VPS13D: variants seen among roughly 807,000 people sequenced by gnomAD.
VPS13D encodes intermembrane lipid transfer protein VPS13D.
VPS13D carries 187 observed loss-of-function variants against 461.9 expected under a neutral mutation model. That is an observed-to-expected ratio of 0.40 (90% confidence interval 0.36 to 0.46). The LOEUF is 0.46. Among genes scored for constraint, VPS13D ranks in the 20% least tolerant of loss-of-function variants. VPS13D has a pLI of 0.60. For missense variants in VPS13D, 4,711 were observed against 5,364.9 expected (o/e 0.88, Z 3.81); for synonymous variants, 1,951 against 1,986.3 (o/e 0.98, Z 0.47).
rs1326224116 is a variant in VPS13D, at chr1:12,499,292, C to T, written c.12794+1661C>T. The T allele has an allele frequency of 1.5e-5, 3 of 204,552 alleles. No homozygotes were observed. In the Admixed American group the frequency reaches 2.0e-4, roughly 13 times the overall value. The allele number at this position is 204,552 out of a possible 1,614,324, so 12.7% of individuals were successfully genotyped here. On this transcript the variant is annotated intron_variant, in intron 68 of 69. Transcript: ENST00000620676. ...CCTGGCATCTAATAGGTACCCAGTACATATAGCCAGATAGCTGCAGTTCAG... is the reference window on the plus strand; with the variant it reads ...CCTGGCATCTAATAGGTACCCAGTATATATAGCCAGATAGCTGCAGTTCAG...
At chr1:12,415,335 A>G in intron 64 of VPS13D, 114 bp downstream of exon 64, 1 of 1,386,396 alleles carries the variant, frequency 7.2e-7, no homozygotes, top group Non-Finnish European at 1.0e-6. Flanking sequence ...AAACATTTCA[A>G]CTCTGTTGTG....
chr1:12,336,354 A>C (rs1245329158), intron 39 of VPS13D: 1 of 152,798 alleles, frequency 6.5e-6, no homozygotes, highest in Non-Finnish European at 1.5e-5. Flanking sequence ...CTCTTGAAGA[A>C]AGAGGAGTCA....
intron 67 of VPS13D, among the ~76,000 whole-genome samples, chr1:12,494,420 A>G (rs1645928479): frequency 6.6e-6 from 1 of 152,214 alleles, no homozygotes; most frequent in Non-Finnish European, 1.5e-5. Context: ...GAGTCAGGAA[A>G]TAACTGTTTA....
rs879209635 is a variant in VPS13D at position 12,511,573 on chromosome 1, C to T, written c.*2549C>T. ...TTCTTTCTGCTTCAAACACACAGTT[C>T]GTCTCTGAGGAAAGTAAAATAAATG... On this transcript the variant is annotated 3_prime_UTR_variant, in exon 70 of 70. Coordinates refer to ENST00000620676, the MANE Select transcript of VPS13D (RefSeq NM_015378.4). This position sits in a 1 kb window ranked among gnomAD's most constrained non-coding sequence, Gnocchi z 4.5. 1.3e-5 allele frequency: 2 copies of T among 152,208 alleles called. No individual in the cohort carries two copies. Among genetic ancestry groups the T allele is most frequent in the Non-Finnish European group, 2.9e-5 (2 of 68,046 alleles). The allele number at this position is 152,208 out of a possible 1,614,324, so 9.4% of individuals were successfully genotyped here. A position where few individuals can be genotyped will look rare whatever the true frequency, so the allele number is the denominator to read the frequency against.
intron 67 of VPS13D, among the ~76,000 whole-genome samples, chr1:12,461,861 T>G (rs780040608): frequency 1.3e-4 from 20 of 152,210 alleles, no homozygotes; most frequent in Admixed American, 3.9e-4. Flanking sequence ...TTATACATTG[T>G]CAGCTTGCAA....
intron 55 of VPS13D, among the ~76,000 whole-genome samples, chr1:12,374,929 G>T (rs1288695994): frequency 6.6e-6 from 1 of 152,142 alleles, no homozygotes; most frequent in Admixed American, 6.5e-5. Context: ...GTAGAGACGG[G>T]GTTTCGCCAT....
intron 37 of VPS13D, 84 bp downstream of exon 37, chr1:12,330,002 TGAA>T: frequency 1.1e-6 from 1 of 945,034 alleles, no homozygotes; most frequent in Non-Finnish European, 1.6e-6. Context: ...AAATTTTACA[TGAA>T]GGAAAGGGCA....
intron 15 of VPS13D, among the ~76,000 whole-genome samples, chr1:12,268,489 A>C (rs1016042689): frequency 6.6e-6 from 1 of 151,840 alleles, no homozygotes; most frequent in African/African-American, 2.4e-5. Context: ...GGTTTCCATG[A>C]TATGGGAGCT....
rs779949169 is a variant in VPS13D, at chr1:12,358,613, T to C, written c.10141+12T>C. 5.0e-6 allele frequency: 8 copies of C among 1,613,470 alleles called. No homozygotes were observed. The highest frequency in any genetic ancestry group is 2.2e-5 in the South Asian group (2 of 90,986). ...GATCTATAACATTGGTGGGTTACAT[T>C]TGGGGCAGCGGGACAATCAGAACCA... On this transcript the variant is annotated intron_variant, in intron 50 of 69. Coordinates refer to ENST00000620676, the MANE Select transcript of VPS13D (RefSeq NM_015378.4).
At chr1:12,354,274 A>G in intron 47 of VPS13D, 53 bp downstream of exon 47, 1 of 1,590,942 alleles carries the variant, frequency 6.3e-7, no homozygotes, top group Non-Finnish European at 8.6e-7. Context: ...AATATCAATG[A>G]GTATTTTGTG....
chr1:12,484,843 T>C lies in VPS13D; in HGVS notation c.12663-12657T>C, dbSNP rs1386230231. Among the ~76,000 whole-genome samples the C allele has an allele frequency of 5.3e-5, 8 of 152,278 alleles. No homozygotes were observed. In the East Asian group the frequency reaches 1.2e-3, roughly 22 times the overall value. ...TGTTGAATCCGAATCTTTTTTTTTT[T>C]CTAATATGGAGCCTCATAATCATTC... On this transcript the variant is annotated intron_variant, in intron 67 of 69. Coordinates refer to ENST00000620676, the MANE Select transcript of VPS13D (RefSeq NM_015378.4).
intron 67 of VPS13D, among the ~76,000 whole-genome samples, chr1:12,463,866 G>A (rs1362825149): frequency 2.6e-5 from 4 of 152,164 alleles, no homozygotes; most frequent in African/African-American, 9.7e-5. Context: ...CTCAGTTTTA[G>A]TTTTTTCATC....
chr1:12,301,036 T>C (rs942114725), intron 25 of VPS13D, among the ~76,000 whole-genome samples: 1 of 152,212 alleles, frequency 6.6e-6, no homozygotes, highest in Non-Finnish European at 1.5e-5. Context: ...TTGAGATGTA[T>C]GTAAGATTTG....
chr1:12,410,456 T>C (rs544758129), intron 63 of VPS13D, among the ~76,000 whole-genome samples: 10 of 152,308 alleles, frequency 6.6e-5, no homozygotes, highest in Non-Finnish European at 1.3e-4. Flanking sequence ...AGCTAAAAAC[T>C]CATCCAAAGT....
intron 50 of VPS13D, 112 bp downstream of exon 50, chr1:12,358,713 A>T: frequency 7.4e-7 from 1 of 1,352,004 alleles, no homozygotes; most frequent in South Asian, 1.5e-5. Flanking sequence ...TGATTTTCTT[A>T]TTTGGCATTG....
intron 5 of VPS13D, among the ~76,000 whole-genome samples, chr1:12,245,177 A>G (rs954496479): frequency 7.2e-5 from 11 of 152,166 alleles, no homozygotes; most frequent in African/African-American, 2.2e-4. Context: ...TTCTACTTCA[A>G]TTATACTTTT....
chr1:12,366,386 G>A (rs1324152304), intron 52 of VPS13D, among the ~76,000 whole-genome samples: 1 of 152,180 alleles, frequency 6.6e-6, no homozygotes, highest in Non-Finnish European at 1.5e-5. Flanking sequence ...GCCCAAGGGA[G>A]CCTATTGGGT....
chr1:12,438,433 A>G (rs993021876), intron 65 of VPS13D, among the ~76,000 whole-genome samples: 1 of 152,222 alleles, frequency 6.6e-6, no homozygotes, highest in Admixed American at 6.5e-5. Flanking sequence ...TGTGAGAAAC[A>G]AATTTCTGCT....
At chr1:12,444,974 C>T (rs1229180842) in intron 65 of VPS13D, among the ~76,000 whole-genome samples, 7 of 152,130 alleles carry the variant, frequency 4.6e-5, no homozygotes, top group South Asian at 2.1e-4. Flanking sequence ...TTTTTATTTG[C>T]GGCAAGGGGT....
Sources: gnomAD v4.1 joint callset for allele counts (sites outside exome capture counted in the v4.1 genomes callset) on GRCh38, gnomAD v4.1.1 for gene constraint, Gnocchi (gnomAD v3.1) non-coding constraint, MANE v1.5 for transcripts, NCBI Gene and HGNC (gene_info 2026-07-23, HGNC 2026-07-21) for gene names.